The following SYT6 variants were observed in gnomAD, a reference collection of about 807,000 sequenced individuals.
SYT6 encodes the protein synaptotagmin 6.
A neutral mutation model predicts 38.4 loss-of-function variants in SYT6; 24 were observed. The ratio of observed to expected loss-of-function variants is 0.62; its 90% confidence interval spans 0.45 to 0.88. The LOEUF is 0.88. Among genes scored for constraint, SYT6 ranks in the 40% least tolerant of loss-of-function variants. The probability of loss-of-function intolerance (pLI) is 0.00; values close to 1 mark genes in which losing one functional copy is unlikely to be tolerated. For synonymous variants in SYT6, 265 were observed against 241.9 expected, an observed-to-expected ratio of 1.10 and a Z score of -0.89; for missense variants, 611 against 621.0, an observed-to-expected ratio of 0.98 and a Z score of 0.17.
At chr1:114,124,036 C>T (rs906287592) in intron 3 of SYT6, among the ~76,000 whole-genome samples, 35 of 152,168 alleles carry the variant, frequency 2.3e-4, no homozygotes, top group Non-Finnish European at 2.5e-4. Flanking sequence ...ACTTGCAGAA[C>T]TGGGAGGGTT....
chr1:114,123,683 A>G (rs1199080941), intron 3 of SYT6, among the ~76,000 whole-genome samples: 1 of 152,016 alleles, frequency 6.6e-6, no homozygotes, highest in Non-Finnish European at 1.5e-5. Context: ...TAAAGCTCCA[A>G]CTCAAGTGTA....
At chr1:114,096,528 C>G (rs1321064256) in intron 6 of SYT6, among the ~76,000 whole-genome samples, 1 of 152,200 alleles carries the variant, frequency 6.6e-6, no homozygotes, top group Non-Finnish European at 1.5e-5. Flanking sequence ...GTCCTTATCA[C>G]CTATGTTTCC....
chr1:114,136,488 A>C (rs1189907102), intron 3 of SYT6, among the ~76,000 whole-genome samples: 2 of 152,198 alleles, frequency 1.3e-5, no homozygotes, highest in African/African-American at 4.8e-5. Context: ...CTATACCTGC[A>C]GGATGCAGCT....
At chr1:114,142,032 G>C (rs765624035) in intron 1 of SYT6, among the ~76,000 whole-genome samples, 22 of 152,218 alleles carry the variant, frequency 1.4e-4, no homozygotes, top group Non-Finnish European at 2.1e-4. Flanking sequence ...TGATGCAGAT[G>C]TACAAGGAGA....
chr1:114,098,336 T>A (rs999065845), intron 5 of SYT6, among the ~76,000 whole-genome samples: 2 of 152,258 alleles, frequency 1.3e-5, no homozygotes, highest in Non-Finnish European at 2.9e-5. Context: ...GTCAATACTA[T>A]GCCTGAGAAC....
chr1:114,099,629 A>C (rs1429068259), intron 4 of SYT6, among the ~76,000 whole-genome samples: 1 of 152,236 alleles, frequency 6.6e-6, no homozygotes, highest in Non-Finnish European at 1.5e-5. Context: ...ATGAGGCTGA[A>C]CAATGACACT....
intron 3 of SYT6, among the ~76,000 whole-genome samples, chr1:114,103,939 A>G (rs1194047533): frequency 6.6e-6 from 1 of 152,216 alleles, no homozygotes; most frequent in East Asian, 1.9e-4. Flanking sequence ...TGCCCCTTCC[A>G]ATATTCCCTC....
intron 3 of SYT6, among the ~76,000 whole-genome samples, chr1:114,131,771 C>T (rs188154715): frequency 1.3e-5 from 2 of 152,192 alleles, no homozygotes; most frequent in Admixed American, 6.5e-5. Flanking sequence ...GAAACAATGT[C>T]AAACCCACTG....
At chr1:114,111,596 C>G (rs1243512130) in intron 3 of SYT6, among the ~76,000 whole-genome samples, 2 of 152,250 alleles carry the variant, frequency 1.3e-5, no homozygotes, top group Non-Finnish European at 2.9e-5. Context: ...GGCCAGCTGT[C>G]CTGTCACCCC....
chr1:114,118,074 G>T (rs1677107916), intron 3 of SYT6, among the ~76,000 whole-genome samples: 1 of 152,222 alleles, frequency 6.6e-6, no homozygotes, highest in Non-Finnish European at 1.5e-5. Flanking sequence ...ACTGGAAGGA[G>T]AAGCAAGCGG....
At chr1:114,106,804 C>T (rs1429778129) in intron 3 of SYT6, among the ~76,000 whole-genome samples, 1 of 152,106 alleles carries the variant, frequency 6.6e-6, no homozygotes, top group Non-Finnish European at 1.5e-5. Context: ...TCGAACAGCT[C>T]ACAGGAGTCA....
chr1:114,093,270 G>A (rs1675430617), intron 7 of SYT6, among the ~76,000 whole-genome samples: 1 of 152,198 alleles, frequency 6.6e-6, no homozygotes, highest in African/African-American at 2.4e-5. Flanking sequence ...AACCCATGAA[G>A]TTCAGGAAGG....
intron 3 of SYT6, among the ~76,000 whole-genome samples, chr1:114,104,320 T>G (rs1028167720): frequency 1.1e-4 from 17 of 152,352 alleles, no homozygotes; most frequent in African/African-American, 4.1e-4. Flanking sequence ...CAGGTCCACT[T>G]TCTCTTTTCT....
Position 114,091,903 on chromosome 1 carries a change from A to G in SYT6, c.*231T>C. ...AGCAGGTAAGACTCTGGAGTGACGG[A>G]CGGCTGCCGCTGCTGCCGCCACTGC... On this transcript the variant is annotated 3_prime_UTR_variant, in exon 8 of 8. Transcript: ENST00000610222. The G allele has an allele frequency of 1.8e-6, 2 of 1,117,094 alleles. No individual in the cohort carries two copies. The highest frequency in any genetic ancestry group is 2.6e-6 in the Non-Finnish European group (2 of 776,798). 69.2% of individuals were successfully genotyped at this position (1,117,094 alleles called of 1,614,324 possible).
chr1:114,130,536 T>C (rs1678084803), intron 3 of SYT6, among the ~76,000 whole-genome samples: 1 of 152,188 alleles, frequency 6.6e-6, no homozygotes, highest in African/African-American at 2.4e-5. Context: ...ATTCTCCTTC[T>C]GCCATCTGTA....
At chr1:114,101,478 C>G (rs1047222786) in intron 4 of SYT6, among the ~76,000 whole-genome samples, 1 of 152,130 alleles carries the variant, frequency 6.6e-6, no homozygotes, top group African/African-American at 2.4e-5. Flanking sequence ...GCTCACCACC[C>G]CTTTGTAGCA....
intron 3 of SYT6, among the ~76,000 whole-genome samples, chr1:114,109,634 G>A (rs74112932): frequency 0.024 from 3,628 of 152,306 alleles, 141 homozygotes; most frequent in African/African-American, 0.082. Flanking sequence ...TGCTTAGTAA[G>A]TATTGGCAAC....
At chr1:114,145,053 C>T (rs1189648956) in intron 1 of SYT6, among the ~76,000 whole-genome samples, 1 of 152,226 alleles carries the variant, frequency 6.6e-6, no homozygotes, top group Non-Finnish European at 1.5e-5. Flanking sequence ...CGGGAAAGCT[C>T]ATTCTAAGTC....
At chr1:114,136,529 C>T (rs887578744) in intron 3 of SYT6, among the ~76,000 whole-genome samples, 4 of 152,288 alleles carry the variant, frequency 2.6e-5, no homozygotes, top group Admixed American at 6.5e-5. Context: ...GGGACTGGAG[C>T]GAAGGGCTAT....
Sources: gnomAD v4.1 joint callset for allele counts (sites outside exome capture counted in the v4.1 genomes callset) on GRCh38, gnomAD v4.1.1 for gene constraint, MANE v1.5 for transcripts, NCBI Gene and HGNC (gene_info 2026-07-23, HGNC 2026-07-21) for gene names.